KIF1B: variants seen among roughly 807,000 people sequenced by gnomAD.
KIF1B encodes the protein kinesin family member 1B, also known as kinesin-like protein KIF1B.
In KIF1B, 76 loss-of-function variants were observed where a neutral mutation model predicts 241.9. The ratio of observed to expected loss-of-function variants is 0.31; its 90% confidence interval spans 0.26 to 0.38. KIF1B has a LOEUF of 0.38. Among genes scored for constraint, KIF1B ranks in the 10% least tolerant of loss-of-function variants. The pLI, the probability that KIF1B is intolerant of heterozygous loss-of-function variation, is 1.00. For synonymous variants in KIF1B, 750 were observed against 796.7 expected (o/e 0.94, Z 0.99); for missense variants, 1,622 against 2,271.4 (o/e 0.71, Z 5.81).
rs1257150398 is a variant in KIF1B at position 10,337,995 on chromosome 1, G to T, written c.3422+462G>T. ...CTGAAAAAAGCTAGTATGTAGGGAA[G>T]ATGTGATACCTCTCATTTCTCATCT... is the stretch of plus-strand genomic sequence containing the variant. On this transcript the variant is annotated intron_variant, in intron 31 of 48. Coordinates refer to ENST00000676179, the MANE Select transcript of KIF1B (RefSeq NM_001365951.3). This position sits in a 1 kb window ranked among gnomAD's most constrained non-coding sequence, Gnocchi z 4.0. Among the ~76,000 whole-genome samples the T allele has an allele frequency of 6.6e-6, 1 of 152,198 alleles. No homozygotes were observed. The highest frequency in any genetic ancestry group is 1.5e-5 in the Non-Finnish European group (1 of 68,032).
At chr1:10,372,409 G>A (rs999455788) in intron 45 of KIF1B, among the ~76,000 whole-genome samples, 1 of 151,730 alleles carries the variant, frequency 6.6e-6, no homozygotes, top group Non-Finnish European at 1.5e-5. Flanking sequence ...GATGGCATGC[G>A]CCTGCGGTTC....
chr1:10,220,182 C>T (rs1646822892), intron 1 of KIF1B, among the ~76,000 whole-genome samples: 1 of 140,068 alleles, frequency 7.1e-6, no homozygotes. Flanking sequence ...CCAGCCTGGG[C>T]AACAAAAGCG....
rs1466793965 is a variant in KIF1B at position 10,377,368 on chromosome 1, G to C, written c.*781G>C. ...TTGTGTGAAGGGAAATGCCAAGGAT[G>C]CTTCTGGTGGACTTCAGGGGACCCC... On this transcript the variant is annotated 3_prime_UTR_variant, in exon 49 of 49. Transcript: ENST00000676179. 1 of 227,900 alleles carries C rather than the reference G, an allele frequency of 4.4e-6. No individual in the cohort carries two copies. Among genetic ancestry groups the C allele is most frequent in the East Asian group, 6.3e-5 (1 of 15,924 alleles). 14.1% of individuals were successfully genotyped at this position (227,900 alleles called of 1,614,324 possible).
At chr1:10,361,140 G>T in intron 39 of KIF1B, 97 bp downstream of exon 39, 1 of 820,300 alleles carries the variant, frequency 1.2e-6, no homozygotes. Context: ...CACTTGTTTT[G>T]TCCTCTTTCT....
At chr1:10,215,170 ATATTTTTTTTT>A (rs1409729108) in intron 1 of KIF1B, among the ~76,000 whole-genome samples, 14 of 50,252 alleles carry the variant, frequency 2.8e-4, no homozygotes, top group African/African-American at 1.4e-3. Context: ...ATATATATAT[ATATTTTTTTTT>A]TTTTTTTTTT....
chr1:10,324,170 T>A, intron 25 of KIF1B, 108 bp downstream of exon 25: 1 of 1,086,374 alleles, frequency 9.2e-7, no homozygotes, highest in South Asian at 1.3e-5. Flanking sequence ...GTTGCTTACT[T>A]CCCTGTACTT....
At chr1:10,333,785 T>A (rs1404206524) in intron 27 of KIF1B, among the ~76,000 whole-genome samples, 5 of 152,164 alleles carry the variant, frequency 3.3e-5, no homozygotes. Context: ...TTTCCCTGCC[T>A]TTTTTGTCTC....
intron 31 of KIF1B, 60 bp from the exon 32 acceptor site, chr1:10,339,707 AAG>A: frequency 7.1e-7 from 1 of 1,402,060 alleles, no homozygotes; most frequent in South Asian, 1.2e-5. Flanking sequence ...GGGCTCTTGA[AAG>A]AGATTCTGAT....
At chr1:10,260,267 T>TA (rs1001335588) in intron 4 of KIF1B, among the ~76,000 whole-genome samples, 5 of 152,186 alleles carry the variant, frequency 3.3e-5, no homozygotes, top group African/African-American at 1.2e-4. Context: ...AAAAGTACAT[T>TA]AAAAATATGA....
intron 5 of KIF1B, among the ~76,000 whole-genome samples, chr1:10,262,874 T>A (rs1410970410): frequency 2.6e-5 from 4 of 152,204 alleles, no homozygotes; most frequent in Admixed American, 6.5e-5. Flanking sequence ...CCCACTTTTT[T>A]AATTGCTTAT....
rs920367681 is a variant in KIF1B at position 10,345,666 on chromosome 1, A to G, written c.3689-179A>G. The G allele has an allele frequency of 4.9e-6, 3 of 617,840 alleles. No individual in the cohort carries two copies. The African/African-American group carries it at 5.6e-5, about 11-fold the overall frequency. The allele number at this position is 617,840 out of a possible 1,614,324, so 38.3% of individuals were successfully genotyped here. A position where few individuals can be genotyped will look rare whatever the true frequency, so the allele number is the denominator to read the frequency against. On this transcript the variant is annotated intron_variant, in intron 34 of 48. Transcript: ENST00000676179. ...TTTTCCTTGTTCTCTGAATGTAGAG[A>G]TAACTAATAACTTACAAAGTTTATA...
At chr1:10,301,939 G>A (rs1650563230) in intron 22 of KIF1B, among the ~76,000 whole-genome samples, 1 of 152,160 alleles carries the variant, frequency 6.6e-6, no homozygotes, top group Admixed American at 6.5e-5. Context: ...GCTAAGTAAG[G>A]TTTTCTGAAA....
chr1:10,222,046 A>G lies in KIF1B; in HGVS notation c.-79-10204A>G, dbSNP rs149139787. 4.0e-3 allele frequency among the ~76,000 whole-genome samples: 606 copies of G among 152,342 alleles called. 7 individuals carry two copies. The highest frequency in any genetic ancestry group is 0.014 in the African/African-American group (573 of 41,562). ...TTCTAACAAATGTACTGAATAAAGT[A>G]TTAGTATATGAGAGGTAAGGGAACT... On this transcript the variant is annotated intron_variant, in intron 1 of 48. Transcript: ENST00000676179.
At position 10,337,395 on chromosome 1, in the gene KIF1B, A is replaced by C; in HGVS notation, c.3284A>C (p.Asp1095Ala). The change falls in exon 31 of 49, where the codon GAT becomes GCT. Residue 1095 changes from aspartate (D) to alanine (A), a missense_variant. Transcript: ENST00000676179. This position sits in a 1 kb window ranked among gnomAD's most constrained non-coding sequence, Gnocchi z 4.0. ...DLDLKSSTLL[D>A]GKMVMEGFSE... Reference sequence around the variant, plus strand: ...GATTTGAAGTCAAGCACTTTGCTGGATGGTAAGATGGTAATGGAAGGGTTT... The same window carrying C: ...GATTTGAAGTCAAGCACTTTGCTGGCTGGTAAGATGGTAATGGAAGGGTTT... The C allele has an allele frequency of 5.6e-6, 9 of 1,614,120 alleles. No homozygotes were observed. The highest frequency in any genetic ancestry group is 7.6e-6 in the Non-Finnish European group (9 of 1,180,014).
At chr1:10,219,939 A>G (rs1646818831) in intron 1 of KIF1B, among the ~76,000 whole-genome samples, 1 of 151,346 alleles carries the variant, frequency 6.6e-6, no homozygotes, top group African/African-American at 2.4e-5. Flanking sequence ...GCGGTGGTTC[A>G]TGCTTGTAAT....
In KIF1B at chr1:10,365,772, T is replaced by C. The variant is rs1372163482; in HGVS notation, c.4752+124T>C. The C allele has an allele frequency of 1.4e-6, 2 of 1,385,394 alleles. No homozygotes were observed. The highest frequency in any genetic ancestry group is 1.4e-5 in the African/African-American group (1 of 70,600). 85.8% of individuals were successfully genotyped at this position (1,385,394 alleles called of 1,614,324 possible). A position where few individuals can be genotyped will look rare whatever the true frequency, so the allele number is the denominator to read the frequency against. The stretch of plus-strand genomic sequence containing the variant: ...AAGGCCTGTGATAATACTGTGAATG[T>C]AGAAATAAAAAGACGCAGTTCCTAC... On this transcript the variant is annotated intron_variant, in intron 43 of 48. Transcript: ENST00000676179. This position sits in a 1 kb window ranked among gnomAD's most constrained non-coding sequence, Gnocchi z 4.0.
chr1:10,370,236 C>T (rs1451900790), intron 44 of KIF1B, among the ~76,000 whole-genome samples: 5 of 152,090 alleles, frequency 3.3e-5, no homozygotes, highest in Admixed American at 6.6e-5. Context: ...GGTGACAGAG[C>T]GAGACTTCGT....
intron 4 of KIF1B, among the ~76,000 whole-genome samples, chr1:10,259,946 G>T (rs1302110017): frequency 2.0e-5 from 3 of 151,810 alleles, no homozygotes; most frequent in African/African-American, 7.3e-5. Flanking sequence ...ACTGTGCGGG[G>T]CCTAAAAACT....
intron 32 of KIF1B, among the ~76,000 whole-genome samples, chr1:10,341,778 G>A (rs1244231566): frequency 6.6e-6 from 1 of 152,032 alleles, no homozygotes; most frequent in Non-Finnish European, 1.5e-5. Flanking sequence ...AGACCAGTCT[G>A]GGAAACATAG....
Sources: allele counts gnomAD v4.1 joint callset (sites outside exome capture counted in the v4.1 genomes callset), GRCh38; gene constraint gnomAD v4.1.1; non-coding constraint Gnocchi (gnomAD v3.1); transcripts MANE v1.5; gene names NCBI Gene and HGNC (gene_info 2026-07-23, HGNC 2026-07-21).